Variants in GRM8 observed in about 807,000 individuals in gnomAD.
GRM8 encodes glutamate metabotropic receptor 8, also known as metabotropic glutamate receptor 8.
In GRM8, 47 loss-of-function variants were observed where a neutral mutation model predicts 87.2. The observed-to-expected ratio is 0.54, with a 90% confidence interval of 0.43 to 0.69. The LOEUF is 0.69. Ranked by LOEUF, GRM8 falls within the 30% of genes least tolerant of loss-of-function variation. The probability of loss-of-function intolerance (pLI) is 0.00; values close to 1 mark genes in which losing one functional copy is unlikely to be tolerated. For missense variants in GRM8, 1,019 were observed against 1,139.2 expected (o/e 0.89, Z 1.52); for synonymous variants, 396 against 404.5 (o/e 0.98, Z 0.25).
chr7:126,717,331 T>G lies in GRM8; in HGVS notation c.1357+52534A>C, dbSNP rs1009454716. On this transcript the variant is annotated intron_variant, in intron 7 of 10. Coordinates refer to ENST00000339582, the MANE Select transcript of GRM8 (RefSeq NM_000845.3). ...GACAGGAAGGTCGAGGCTTGTGGGGTGGAGGGTGAAATAAGAGTTGTGGAG... is the reference window on the plus strand; with the variant it reads ...GACAGGAAGGTCGAGGCTTGTGGGGGGGAGGGTGAAATAAGAGTTGTGGAG... Among the ~76,000 whole-genome samples the G allele has an allele frequency of 5.9e-5, 9 of 152,116 alleles. 2 individuals are homozygous for G. Among genetic ancestry groups the G allele is most frequent in the Admixed American group, 5.9e-4 (9 of 15,276 alleles).
At chr7:126,849,888 C>T (rs1797052147) in intron 6 of GRM8, among the ~76,000 whole-genome samples, 2 of 152,154 alleles carry the variant, frequency 1.3e-5, no homozygotes, top group Non-Finnish European at 2.9e-5. Flanking sequence ...CCCAACAGTA[C>T]TTTCTCTCCT....
intron 7 of GRM8, among the ~76,000 whole-genome samples, chr7:126,743,441 A>G (rs981414240): frequency 6.6e-6 from 1 of 152,148 alleles, no homozygotes; most frequent in Non-Finnish European, 1.5e-5. Flanking sequence ...CCCTTTAGAC[A>G]AGTGTCTTAA....
intron 8 of GRM8, among the ~76,000 whole-genome samples, chr7:126,549,817 G>A (rs1792377107): frequency 6.6e-6 from 1 of 152,030 alleles, no homozygotes; most frequent in African/African-American, 2.4e-5. Flanking sequence ...GTCCAATAAA[G>A]GAGCCATAAT....
intron 3 of GRM8, among the ~76,000 whole-genome samples, chr7:126,986,151 C>T (rs550017621): frequency 1.3e-5 from 2 of 152,070 alleles, no homozygotes; most frequent in African/African-American, 4.8e-5. Context: ...GTAGCTGGGA[C>T]TAAAAGCATG....
intron 9 of GRM8, among the ~76,000 whole-genome samples, chr7:126,453,070 AACACACACACACACAC>A (rs71177555): frequency 2.1e-4 from 30 of 146,056 alleles, no homozygotes; most frequent in Middle Eastern, 3.4e-3. Context: ...TTATAGCAGA[AACACACACACACACAC>A]ACACACACAC....
intron 3 of GRM8, among the ~76,000 whole-genome samples, chr7:127,031,363 T>C (rs1344767281): frequency 6.6e-6 from 1 of 152,122 alleles, no homozygotes; most frequent in African/African-American, 2.4e-5. Flanking sequence ...TCCCTATTTA[T>C]ACTATTTTTT....
chr7:127,145,207 T>A (rs1044203295), intron 2 of GRM8, among the ~76,000 whole-genome samples: 6 of 152,114 alleles, frequency 3.9e-5, no homozygotes, highest in African/African-American at 1.4e-4. Flanking sequence ...TAGTTAAATA[T>A]CTCTTCTTGC....
chr7:126,897,566 T>TGAGG (rs1801664169), intron 6 of GRM8, among the ~76,000 whole-genome samples: 1 of 151,198 alleles, frequency 6.6e-6, no homozygotes, highest in South Asian at 2.1e-4. Context: ...GAGAGTACAA[T>TGAGG]GAGGGAGGGA....
intron 6 of GRM8, among the ~76,000 whole-genome samples, chr7:126,810,248 G>C (rs960845659): frequency 6.6e-6 from 1 of 152,050 alleles, no homozygotes; most frequent in Non-Finnish European, 1.5e-5. Context: ...TCCTCTAAGA[G>C]GAAAAACATG....
chr7:127,010,431 C>A (rs1352176132), intron 3 of GRM8, among the ~76,000 whole-genome samples: 1 of 151,694 alleles, frequency 6.6e-6, no homozygotes. Flanking sequence ...GCAAGTATGT[C>A]AAAAAATCAT....
intron 2 of GRM8, among the ~76,000 whole-genome samples, chr7:127,121,504 G>A (rs778611336): frequency 1.3e-5 from 2 of 152,046 alleles, no homozygotes; most frequent in Non-Finnish European, 2.9e-5. Flanking sequence ...GCATCTCCGT[G>A]GTTATCTCCT....
chr7:126,532,985 G>A lies in GRM8; in HGVS notation c.2397C>T (p.Pro799=), dbSNP rs1311881425. 1 of 1,612,458 alleles carries A rather than the reference G, an allele frequency of 6.2e-7. No individual in the cohort carries two copies. Among genetic ancestry groups the A allele is most frequent in the Admixed American group, 1.7e-5 (1 of 59,890 alleles). The change falls in exon 9 of 11, where the codon CCC becomes CCT. Residue 799 remains proline (P), a synonymous_variant. Transcript: ENST00000339582. Reference sequence around the variant, plus strand: ...CTGACTGGGCTGTACCAAAAAAGATGGGGATGAAAGCTAACCAAATGATGC... The same window carrying A: ...CTGACTGGGCTGTACCAAAAAAGATAGGGATGAAAGCTAACCAAATGATGC... ...TTCIIWLAFI[P]IFFGTAQSAE... is the part of the protein sequence containing the mutation.
chr7:127,179,834 G>T (rs1186634512), intron 2 of GRM8, among the ~76,000 whole-genome samples: 3 of 152,004 alleles, frequency 2.0e-5, no homozygotes, highest in Non-Finnish European at 1.5e-5. Context: ...CAAAACCTCT[G>T]GGATAAAGCA....
At chr7:126,991,244 G>A (rs1554557692) in intron 3 of GRM8, among the ~76,000 whole-genome samples, 2 of 151,876 alleles carry the variant, frequency 1.3e-5, no homozygotes, top group South Asian at 2.1e-4. Context: ...TTATTTTCAG[G>A]ACATTCAATC....
chr7:127,174,945 G>A (rs1338644101), intron 2 of GRM8, among the ~76,000 whole-genome samples: 1 of 152,020 alleles, frequency 6.6e-6, no homozygotes, highest in Non-Finnish European at 1.5e-5. Context: ...GGACAAACAG[G>A]GAGCTTTTGT....
intron 7 of GRM8, among the ~76,000 whole-genome samples, chr7:126,699,659 GGGAA>G (rs1299045894): frequency 2.0e-5 from 3 of 152,106 alleles, no homozygotes; most frequent in African/African-American, 7.2e-5. Flanking sequence ...CTGGAGCAAT[GGGAA>G]GTATTTTTTT....
intron 5 of GRM8, among the ~76,000 whole-genome samples, chr7:126,903,402 T>C (rs1444330298): frequency 2.6e-5 from 4 of 151,866 alleles, no homozygotes; most frequent in African/African-American, 4.8e-5. Context: ...TATATATTCA[T>C]TTTCTATAAA....
At chr7:126,707,737 A>G (rs1810678995) in intron 7 of GRM8, among the ~76,000 whole-genome samples, 2 of 152,192 alleles carry the variant, frequency 1.3e-5, no homozygotes, top group African/African-American at 4.8e-5. Flanking sequence ...CCATACACAA[A>G]AATCAACTCA....
At chr7:126,789,074 T>C (rs1166076853) in intron 6 of GRM8, among the ~76,000 whole-genome samples, 3 of 151,914 alleles carry the variant, frequency 2.0e-5, no homozygotes, top group Non-Finnish European at 4.4e-5. Context: ...AGCAAGATGG[T>C]TTTTCTTAGC....
Sources: gnomAD v4.1 joint callset for allele counts (sites outside exome capture counted in the v4.1 genomes callset) on GRCh38, gnomAD v4.1.1 for gene constraint, MANE v1.5 for transcripts, NCBI Gene and HGNC (gene_info 2026-07-23, HGNC 2026-07-21) for gene names.